The following MB21D2 variants were observed in gnomAD, a reference collection of about 807,000 sequenced individuals.
MB21D2 encodes the protein Mab-21 domain containing 2, also known as nucleotidyltransferase MB21D2.
MB21D2 carries 9 observed loss-of-function variants against 33.3 expected under a neutral mutation model. The observed-to-expected ratio is 0.27, with a 90% CI of 0.16 to 0.47. The LOEUF is 0.47. Among genes scored for constraint, MB21D2 ranks in the 20% least tolerant of loss-of-function variants. The pLI, the probability that MB21D2 is intolerant of heterozygous loss-of-function variation, is 0.99. For synonymous variants in MB21D2, 241 were observed against 236.3 expected (o/e 1.02, Z -0.18); for missense variants, 540 against 624.6 (o/e 0.86, Z 1.44).
At chr3:192,826,403 C>T (rs761756577) in intron 1 of MB21D2, among the ~76,000 whole-genome samples, 2 of 152,094 alleles carry the variant, frequency 1.3e-5, no homozygotes, top group African/African-American at 2.4e-5. Flanking sequence ...ACACAGAGAA[C>T]GGGAATCAAT....
chr3:192,838,234 A>G (rs1712482803), intron 1 of MB21D2, among the ~76,000 whole-genome samples: 1 of 152,314 alleles, frequency 6.6e-6, no homozygotes, highest in South Asian at 2.1e-4. Context: ...TGCTCATGAT[A>G]GCAGCTAATT....
intron 1 of MB21D2, among the ~76,000 whole-genome samples, chr3:192,870,881 G>A (rs1415478139): frequency 2.0e-5 from 3 of 152,094 alleles, no homozygotes; most frequent in Non-Finnish European, 2.9e-5. Context: ...ATGGTTTCCT[G>A]TGGCTATTTT....
chr3:192,884,581 A>C (rs767480456), intron 1 of MB21D2, among the ~76,000 whole-genome samples: 1 of 151,880 alleles, frequency 6.6e-6, no homozygotes, highest in Non-Finnish European at 1.5e-5. Flanking sequence ...GTTAGCCAGG[A>C]TGGTCTTGAT....
At chr3:192,860,730 T>C (rs923956642) in intron 1 of MB21D2, among the ~76,000 whole-genome samples, 1 of 152,182 alleles carries the variant, frequency 6.6e-6, no homozygotes. Flanking sequence ...CTGGGGCAAC[T>C]TCCCCTCCTT....
intron 1 of MB21D2, among the ~76,000 whole-genome samples, chr3:192,896,747 A>C (rs1389924510): frequency 6.6e-6 from 1 of 152,242 alleles, no homozygotes; most frequent in African/African-American, 2.4e-5. Flanking sequence ...ATCATTGGCT[A>C]GTTACTGAGT....
chr3:192,880,036 C>T (rs1330101708), intron 1 of MB21D2, among the ~76,000 whole-genome samples: 1 of 152,124 alleles, frequency 6.6e-6, no homozygotes, highest in Middle Eastern at 3.2e-3. Flanking sequence ...CCAGTGGCTA[C>T]TAAACCACTT....
chr3:192,799,389 A>AT lies in MB21D2; in HGVS notation c.472dup (p.Ile158AsnfsTer3). 6.2e-7 allele frequency: 1 copy of AT among 1,614,200 alleles called. No individual in the cohort carries two copies. Among genetic ancestry groups the AT allele is most frequent in the Non-Finnish European group, 8.5e-7 (1 of 1,180,034 alleles). ...GGTGCAGCAGTCTTTCCATTTACTG[A>AT]TTGTCCCCTCATCAAAGAGCCGAAG... On this transcript the variant is annotated frameshift_variant, in exon 2 of 2. Coordinates refer to ENST00000392452, the MANE Select transcript of MB21D2 (RefSeq NM_178496.4). LOFTEE classifies it high-confidence loss of function. This position sits in a 1 kb window ranked among gnomAD's most constrained non-coding sequence, Gnocchi z 4.1.
At chr3:192,896,599 C>T (rs993704310) in intron 1 of MB21D2, among the ~76,000 whole-genome samples, 2 of 152,188 alleles carry the variant, frequency 1.3e-5, no homozygotes, top group Non-Finnish European at 2.9e-5. Flanking sequence ...TGGTATTGTT[C>T]ATCTCAGACA....
At chr3:192,832,079 A>G (rs2108621117) in intron 1 of MB21D2, among the ~76,000 whole-genome samples, 1 of 152,356 alleles carries the variant, frequency 6.6e-6, no homozygotes. Flanking sequence ...AACCTGTTTG[A>G]GCATAAGAAA....
chr3:192,905,185 A>G (rs1333699096), intron 1 of MB21D2, among the ~76,000 whole-genome samples: 1 of 152,222 alleles, frequency 6.6e-6, no homozygotes, highest in Non-Finnish European at 1.5e-5. Flanking sequence ...AGGCAGACTT[A>G]CAGTCTGCCT....
At chr3:192,806,696 G>A (rs1038538927) in intron 1 of MB21D2, among the ~76,000 whole-genome samples, 3 of 152,120 alleles carry the variant, frequency 2.0e-5, no homozygotes, top group African/African-American at 7.2e-5. Context: ...CTAGGATTAT[G>A]GAATTTGCCC....
intron 1 of MB21D2, among the ~76,000 whole-genome samples, chr3:192,863,709 C>G (rs887168926): frequency 3.9e-5 from 6 of 152,062 alleles, no homozygotes; most frequent in Admixed American, 2.6e-4. Context: ...GGAGATGGAG[C>G]CTCCAGGAAG....
chr3:192,900,774 C>T (rs1714080850), intron 1 of MB21D2, among the ~76,000 whole-genome samples: 1 of 152,000 alleles, frequency 6.6e-6, no homozygotes, highest in South Asian at 2.1e-4. Context: ...AACCCTGTCT[C>T]TACTAAAAAT....
chr3:192,914,554 G>T (rs1433898869), intron 1 of MB21D2, among the ~76,000 whole-genome samples: 1 of 152,168 alleles, frequency 6.6e-6, no homozygotes, highest in Non-Finnish European at 1.5e-5. Context: ...CAATTTCCCT[G>T]AATTTTGATA....
chr3:192,826,291 T>A (rs1463748567), intron 1 of MB21D2, among the ~76,000 whole-genome samples: 3 of 152,196 alleles, frequency 2.0e-5, no homozygotes, highest in African/African-American at 7.2e-5. Context: ...TACACAGGGC[T>A]TGTAGGAAGG....
intron 1 of MB21D2, among the ~76,000 whole-genome samples, chr3:192,839,353 C>A (rs1387112334): frequency 3.3e-5 from 5 of 152,138 alleles, no homozygotes; most frequent in African/African-American, 1.2e-4. Flanking sequence ...TCTTCCTGCT[C>A]CAAACTATGT....
At chr3:192,813,086 T>C (rs1242944898) in intron 1 of MB21D2, among the ~76,000 whole-genome samples, 1 of 152,114 alleles carries the variant, frequency 6.6e-6, no homozygotes, top group Non-Finnish European at 1.5e-5. Flanking sequence ...CAGGCCTATT[T>C]ACTTTGAGGT....
intron 1 of MB21D2, among the ~76,000 whole-genome samples, chr3:192,900,672 G>A (rs1714077925): frequency 3.3e-5 from 5 of 152,124 alleles, no homozygotes; most frequent in African/African-American, 1.2e-4. Flanking sequence ...GCCGGGCGCG[G>A]TGGCTCACGC....
At chr3:192,833,686 AC>A (rs1365123415) in intron 1 of MB21D2, among the ~76,000 whole-genome samples, 1 of 152,090 alleles carries the variant, frequency 6.6e-6, no homozygotes, top group Non-Finnish European at 1.5e-5. Context: ...CTTCAGAACA[AC>A]CCTAGAACTC....
Sources: allele counts gnomAD v4.1 joint callset (sites outside exome capture counted in the v4.1 genomes callset), GRCh38; gene constraint gnomAD v4.1.1; non-coding constraint Gnocchi (gnomAD v3.1); transcripts MANE v1.5; gene names NCBI Gene and HGNC (gene_info 2026-07-23, HGNC 2026-07-21).